Variants in PLCL1 observed in about 807,000 individuals in gnomAD.
PLCL1 encodes phospholipase C like 1 (inactive).
In PLCL1, 41 loss-of-function variants were observed where a neutral mutation model predicts 84.4. The observed-to-expected ratio is 0.49, with a 90% CI of 0.38 to 0.63. The LOEUF (loss-of-function observed/expected upper bound fraction) is 0.63, where lower values mean the gene tolerates loss of function less well. Among genes scored for constraint, PLCL1 ranks in the 30% least tolerant of loss-of-function variants. PLCL1 has a pLI of 0.00. For missense variants in PLCL1, 1,206 were observed against 1,367.8 expected (o/e 0.88, Z 1.87); for synonymous variants, 490 against 488.3 (o/e 1.00, Z -0.05).
intron 1 of PLCL1, among the ~76,000 whole-genome samples, chr2:197,927,698 G>C (rs1049508569): frequency 2.0e-5 from 3 of 152,112 alleles, no homozygotes; most frequent in Non-Finnish European, 4.4e-5. Flanking sequence ...CTTGGGAGGA[G>C]GGATCCTATC....
intron 1 of PLCL1, among the ~76,000 whole-genome samples, chr2:197,833,660 AAG>A (rs1691118663): frequency 3.3e-5 from 5 of 151,936 alleles, no homozygotes; most frequent in Admixed American, 2.6e-4. Flanking sequence ...ACAAGGAAAT[AAG>A]AGAGGACACA....
Position 198,085,068 on chromosome 2 carries a change from T to C in PLCL1, c.1551T>C (p.Thr517=). Residue 517 remains threonine, a synonymous_variant, in exon 2 of 6, where the codon ACT becomes ACC. Coordinates refer to ENST00000428675, the MANE Select transcript of PLCL1 (RefSeq NM_006226.4). The surrounding 1 kb of genome is among the most constrained non-coding windows in gnomAD (Gnocchi z 5.3). ...AGGTCTTTGGCAATAAACTCTATAC[T>C]GAAGCACCTTTGCCCTCAGAATCCT... ...MKKVFGNKLY[T]EAPLPSESYL... is the part of the protein sequence containing the mutation. 6.2e-7 allele frequency: 1 copy of C among 1,614,050 alleles called. No individual in the cohort carries two copies. Among genetic ancestry groups the C allele is most frequent in the Non-Finnish European group, 8.5e-7 (1 of 1,179,950 alleles).
intron 1 of PLCL1, among the ~76,000 whole-genome samples, chr2:197,983,640 G>A (rs1357638302): frequency 7.9e-5 from 12 of 152,176 alleles, no homozygotes. Flanking sequence ...CAGACCCTGT[G>A]CTAGGCACCG....
chr2:197,828,942 C>T (rs1690991511), intron 1 of PLCL1, among the ~76,000 whole-genome samples: 1 of 152,054 alleles, frequency 6.6e-6, no homozygotes, highest in Non-Finnish European at 1.5e-5. Context: ...CCATATAGCA[C>T]AAAGCATGAT....
At chr2:198,082,672 T>TC (rs1692749483) in intron 1 of PLCL1, among the ~76,000 whole-genome samples, 1 of 152,136 alleles carries the variant, frequency 6.6e-6, no homozygotes, top group Non-Finnish European at 1.5e-5. Flanking sequence ...GTAAGTGGCA[T>TC]CAGTCAGATA....
At chr2:198,140,780 A>T (rs1007159820) in intron 5 of PLCL1, among the ~76,000 whole-genome samples, 1 of 152,104 alleles carries the variant, frequency 6.6e-6, no homozygotes, top group Non-Finnish European at 1.5e-5. Context: ...TGTCTTCTAT[A>T]CTTTATAAAT....
intron 5 of PLCL1, among the ~76,000 whole-genome samples, chr2:198,114,926 A>G (rs146273984): frequency 1.6e-4 from 24 of 151,996 alleles, no homozygotes; most frequent in Non-Finnish European, 2.9e-4. Context: ...CAAAAGAATT[A>G]TCACAATAAG....
At chr2:198,045,694 A>G (rs1691770253) in intron 1 of PLCL1, among the ~76,000 whole-genome samples, 1 of 152,238 alleles carries the variant, frequency 6.6e-6, no homozygotes, top group Non-Finnish European at 1.5e-5. Context: ...GCCGGAAATC[A>G]ATGGCTCTGC....
At chr2:197,887,762 A>G (rs1023722876) in intron 1 of PLCL1, among the ~76,000 whole-genome samples, 6 of 152,214 alleles carry the variant, frequency 3.9e-5, no homozygotes, top group Non-Finnish European at 8.8e-5. Context: ...TCCAGTGTCT[A>G]TTATTTCATA....
chr2:198,105,840 AT>A (rs1237225079), intron 5 of PLCL1, among the ~76,000 whole-genome samples: 1 of 151,796 alleles, frequency 6.6e-6, no homozygotes, highest in East Asian at 1.9e-4. Flanking sequence ...TTTGGAAGTC[AT>A]TTTCTTGAGA....
At chr2:197,824,704 A>C (rs1370495698) in intron 1 of PLCL1, among the ~76,000 whole-genome samples, 18 of 127,366 alleles carry the variant, frequency 1.4e-4, no homozygotes, top group Non-Finnish European at 3.2e-5. Context: ...ACAGAGCGAG[A>C]CCCTGTCTCA....
Position 197,920,103 on chromosome 2 carries a change from C to T in PLCL1, c.240+114764C>T, listed in dbSNP as rs1338199828. 2.0e-5 allele frequency among the ~76,000 whole-genome samples: 3 copies of T among 152,084 alleles called. No homozygotes were observed. The South Asian group carries it at 6.2e-4, about 31-fold the overall frequency. Reference sequence around the variant, plus strand: ...CAATAGCAACTGGGTTATTGTTTATCCATTGGTCTTTTTGACTCTGCAACT... The same window carrying T: ...CAATAGCAACTGGGTTATTGTTTATTCATTGGTCTTTTTGACTCTGCAACT... On this transcript the variant is annotated intron_variant, in intron 1 of 5. Coordinates refer to ENST00000428675, the MANE Select transcript of PLCL1 (RefSeq NM_006226.4).
intron 3 of PLCL1, among the ~76,000 whole-genome samples, chr2:198,092,446 T>A (rs867566375): frequency 6.6e-6 from 1 of 152,338 alleles, no homozygotes; most frequent in African/African-American, 2.4e-5. Context: ...AATTAGCATA[T>A]CCATCACCTC....
At chr2:198,112,218 T>C (rs1236418179) in intron 5 of PLCL1, among the ~76,000 whole-genome samples, 1 of 151,850 alleles carries the variant, frequency 6.6e-6, no homozygotes, top group Non-Finnish European at 1.5e-5. Flanking sequence ...TTGGTTAGCA[T>C]GAATCAGCTT....
At chr2:197,970,488 T>C (rs10169453) in intron 1 of PLCL1, among the ~76,000 whole-genome samples, 73,360 of 152,074 alleles carry the variant, frequency 0.48, 18,100 homozygotes, top group Middle Eastern at 0.58. Context: ...ATACTATAAG[T>C]GTAAAACCCA....
rs1030121687 is a variant in PLCL1, at chr2:197,890,792, A to G, written c.240+85453A>G. ...TATACACATATATATGTATATATGT[A>G]TATATATATTTGCTATATATGTGTA... On this transcript the variant is annotated intron_variant, in intron 1 of 5. Transcript: ENST00000428675. Among the ~76,000 whole-genome samples, 7 of 144,958 alleles carry G rather than the reference A, an allele frequency of 4.8e-5. No homozygotes were observed. The South Asian group carries it at 8.5e-4, about 18-fold the overall frequency.
At chr2:198,053,689 C>T (rs917772666) in intron 1 of PLCL1, among the ~76,000 whole-genome samples, 6 of 152,172 alleles carry the variant, frequency 3.9e-5, no homozygotes, top group South Asian at 2.1e-4. Context: ...AGCTGCAGTA[C>T]TTCAACTAGG....
intron 1 of PLCL1, among the ~76,000 whole-genome samples, chr2:197,915,722 CACCGAT>C (rs1371971269): frequency 6.6e-6 from 1 of 152,160 alleles, no homozygotes; most frequent in Non-Finnish European, 1.5e-5. Context: ...TTCCATGAGG[CACCGAT>C]ACCCTATTTG....
chr2:197,859,134 GA>G (rs1462452398), intron 1 of PLCL1, among the ~76,000 whole-genome samples: 2 of 151,850 alleles, frequency 1.3e-5, no homozygotes, highest in African/African-American at 4.8e-5. Flanking sequence ...TTGCTTGATA[GA>G]ATGAGCTGCA....
Sources: gnomAD v4.1 joint callset for allele counts (sites outside exome capture counted in the v4.1 genomes callset) on GRCh38, gnomAD v4.1.1 for gene constraint, Gnocchi (gnomAD v3.1) non-coding constraint, MANE v1.5 for transcripts, NCBI Gene and HGNC (gene_info 2026-07-23, HGNC 2026-07-21) for gene names.